TAGAP: variants seen among roughly 807,000 people sequenced by gnomAD.
TAGAP encodes T cell activation RhoGTPase activating protein, also known as T-cell activation Rho GTPase-activating protein.
In TAGAP, 16 loss-of-function variants were observed where a neutral mutation model predicts 36.0. The observed-to-expected ratio is 0.44, with a 90% CI of 0.30 to 0.68. The LOEUF (loss-of-function observed/expected upper bound fraction) is 0.68. TAGAP is among the 30% of genes least tolerant of loss of function. TAGAP has a pLI of 0.09. For synonymous variants in TAGAP, 372 were observed against 377.4 expected (o/e 0.99, Z 0.17); for missense variants, 794 against 921.5 (o/e 0.86, Z 1.79).
At chr6:159,038,991 T>C in intron 8 of TAGAP, 123 bp downstream of exon 8, 1 of 1,556,190 alleles carries the variant, frequency 6.4e-7, no homozygotes, top group Non-Finnish European at 8.7e-7. Flanking sequence ...GCATTTTGCA[T>C]TTTATATTTT....
At position 159,041,890 on chromosome 6, in the gene TAGAP, A is replaced by T; in HGVS notation, c.315+188T>A. The stretch of plus-strand genomic sequence containing the variant: ...TCATTGGCAAATACAACTAATTTCA[A>T]TTTCTGGAATGGAAGCAGTCAGATA... On this transcript the variant is annotated intron_variant, in intron 5 of 9. Coordinates refer to ENST00000367066, the MANE Select transcript of TAGAP (RefSeq NM_054114.5). The surrounding 1 kb of genome is among the most constrained non-coding windows in gnomAD (Gnocchi z 4.1). 1.5e-6 allele frequency: 1 copy of T among 683,222 alleles called. No individual in the cohort carries two copies. Among genetic ancestry groups the T allele is most frequent in the East Asian group, 2.6e-5 (1 of 38,588 alleles). The allele number at this position is 683,222 out of a possible 1,614,324, so 42.3% of individuals were successfully genotyped here.
chr6:159,040,163 A>T lies in TAGAP; in HGVS notation c.587+560T>A, dbSNP rs539475640. On this transcript the variant is annotated intron_variant, in intron 7 of 9. Coordinates refer to ENST00000367066, the MANE Select transcript of TAGAP (RefSeq NM_054114.5). Reference sequence around the variant, plus strand: ...TAGTCACTAACAGATCACACTTTCCATTGCATATGTTATTATTTTTACTCT... The same window carrying T: ...TAGTCACTAACAGATCACACTTTCCTTTGCATATGTTATTATTTTTACTCT... Among the ~76,000 whole-genome samples the T allele has an allele frequency of 7.2e-5, 11 of 152,306 alleles. No individual in the cohort carries two copies. In the South Asian group the frequency reaches 2.3e-3, roughly 32 times the overall value.
At chr6:159,044,585 C>A (rs1337291221) in intron 1 of TAGAP, among the ~76,000 whole-genome samples, 1 of 151,236 alleles carries the variant, frequency 6.6e-6, no homozygotes, top group East Asian at 1.9e-4. Context: ...GACTATATGC[C>A]AGCTGTCGTA....
At position 159,036,182 on chromosome 6, in the gene TAGAP, G is replaced by A. The variant is rs369625327; in HGVS notation, c.1841C>T (p.Thr614Ile). Residue 614 changes from threonine (T) to isoleucine (I), a missense_variant, in exon 10 of 10, where the codon ACC becomes ATC. Physicochemically the swap from Thr to Ile is moderately conservative, Grantham distance 89 (BLOSUM62 -1). Transcript: ENST00000367066. This position sits in a 1 kb window ranked among gnomAD's most constrained non-coding sequence, Gnocchi z 4.9. ...GCTCCCCACCGTCATGCTCCCCACG[G>A]TCTGGCTCTCGGAGGCCACTAGTCT... ...AARLVASESQ[T>I]VGSMTVGSMR... 6.2e-7 allele frequency: 1 copy of A among 1,611,908 alleles called. No individual in the cohort carries two copies. The highest frequency in any genetic ancestry group is 2.2e-5 in the East Asian group (1 of 44,814).
rs201909483 is a variant in TAGAP, at chr6:159,044,140, G to T, written c.7C>A (p.Leu3Met). Residue 3 changes from leucine to methionine, a missense_variant, in exon 2 of 10, where the codon CTG (leucine) becomes ATG (methionine). Physicochemically the swap from Leu to Met is conservative, Grantham distance 15 (BLOSUM62 2). Coordinates refer to ENST00000367066, the MANE Select transcript of TAGAP (RefSeq NM_054114.5). ...CTCACAGCATTGTGGCTGCTTCTCA[G>T]CTTCATCAGTATTGCGGCTGACTGT... Reference protein sequence around the residue: MKLRSSHNASKTL... With the variant: MKMRSSHNASKTL... The T allele has an allele frequency of 6.2e-7, 1 of 1,613,818 alleles. No individual in the cohort carries two copies. Among genetic ancestry groups the T allele is most frequent in the South Asian group, 1.1e-5 (1 of 90,946 alleles).
Position 159,041,247 on chromosome 6 carries a change from A to G in TAGAP, c.477+107T>C, listed in dbSNP as rs753989729. 9.5e-6 allele frequency: 13 copies of G among 1,374,146 alleles called. No homozygotes were observed. The highest frequency in any genetic ancestry group is 1.4e-5 in the South Asian group (1 of 71,562). The allele number at this position is 1,374,146 out of a possible 1,614,324, so 85.1% of individuals were successfully genotyped here. A position where few individuals can be genotyped will look rare whatever the true frequency, so the allele number is the denominator to read the frequency against. ...TTAATGAAAAAAATTAAACTCCAAGATCAGTGTACCTTGCTGTGTGGGGAG... is the reference window on the plus strand; with the variant it reads ...TTAATGAAAAAAATTAAACTCCAAGGTCAGTGTACCTTGCTGTGTGGGGAG... On this transcript the variant is annotated intron_variant, in intron 6 of 9. Coordinates refer to ENST00000367066, the MANE Select transcript of TAGAP (RefSeq NM_054114.5). This position sits in a 1 kb window ranked among gnomAD's most constrained non-coding sequence, Gnocchi z 4.1.
intron 3 of TAGAP, 21 bp downstream of exon 3, chr6:159,043,957 T>C (rs1273213910): frequency 3.1e-6 from 5 of 1,606,388 alleles, no homozygotes; most frequent in African/African-American, 1.3e-5. Flanking sequence ...AGATAAAAAG[T>C]CTTAAAAATT....
chr6:159,044,053 T>A, intron 2 of TAGAP, 22 bp from the exon 3 acceptor site: 3 of 1,613,530 alleles, frequency 1.9e-6, no homozygotes, highest in Non-Finnish European at 2.5e-6. Flanking sequence ...AAAATAAAAT[T>A]AGGTAAATAT....
At chr6:159,038,740 A>C (rs2114788932) in intron 8 of TAGAP, among the ~76,000 whole-genome samples, 1 of 152,276 alleles carries the variant, frequency 6.6e-6, no homozygotes, top group African/African-American at 2.4e-5. Context: ...CATGCATTTT[A>C]AATTTAAGAA....
At chr6:159,042,552 A>G (rs879504136) in intron 4 of TAGAP, 5 of 314,170 alleles carry the variant, frequency 1.6e-5, no homozygotes, top group Non-Finnish European at 2.9e-5. Context: ...AGCAAAACCT[A>G]ACTGTGCTGA....
In TAGAP at chr6:159,038,112, A is replaced by AC; in HGVS notation, c.898+1dup. 3.2e-6 allele frequency: 5 copies of AC among 1,585,880 alleles called. No individual in the cohort carries two copies. The highest frequency in any genetic ancestry group is 4.3e-6 in the Non-Finnish European group (5 of 1,155,068). Reference sequence around the variant, plus strand: ...GTAATCAAATGATAGCACATTCCATACCTGAACTGTCAGTGTGCTCCAGGG... The same window carrying AC: ...GTAATCAAATGATAGCACATTCCATACCCTGAACTGTCAGTGTGCTCCAGGG... On this transcript the variant is annotated splice_donor_variant, in intron 9 of 9. Coordinates refer to ENST00000367066, the MANE Select transcript of TAGAP (RefSeq NM_054114.5). LOFTEE classifies it high-confidence loss of function.
intron 6 of TAGAP, 161 bp from the exon 7 acceptor site, chr6:159,040,993 C>T (rs1779727666): frequency 1.6e-6 from 1 of 625,916 alleles, no homozygotes; most frequent in African/African-American, 1.8e-5. Flanking sequence ...AACCCTCTCT[C>T]CAACACCCTT....
At position 159,036,293 on chromosome 6, in the gene TAGAP, G is replaced by A. The variant is rs746408693; in HGVS notation, c.1730C>T (p.Ser577Leu). The A allele has an allele frequency of 3.1e-6, 5 of 1,613,300 alleles. No homozygotes were observed. Among genetic ancestry groups the A allele is most frequent in the Non-Finnish European group, 4.2e-6 (5 of 1,179,984 alleles). Residue 577 changes from serine to leucine, a missense_variant, in exon 10 of 10, where the codon TCG becomes TTG. Physicochemically the swap from Ser to Leu is moderately radical, Grantham distance 145 (BLOSUM62 -2). Transcript: ENST00000367066. This position sits in a 1 kb window ranked among gnomAD's most constrained non-coding sequence, Gnocchi z 4.9. ...RGFCLRPHAL[S>L]VDDVFQGADW... ...AGCTCCCTGGAACACATCATCCACC[G>A]AGAGGGCGTGGGGTCTCAGGCAGAA...
At position 159,036,613 on chromosome 6, in the gene TAGAP, G is replaced by T; in HGVS notation, c.1410C>A (p.Asp470Glu). The T allele has an allele frequency of 6.2e-7, 1 of 1,614,166 alleles. No individual in the cohort carries two copies. Among genetic ancestry groups the T allele is most frequent in the Non-Finnish European group, 8.5e-7 (1 of 1,179,992 alleles). The change falls in exon 10 of 10, where the codon GAC (aspartate) becomes GAA (glutamate). Residue 470 changes from aspartate (D) to glutamate (E), a missense_variant. Asp to Glu is a conservative substitution (Grantham distance 45). Transcript: ENST00000367066. This position sits in a 1 kb window ranked among gnomAD's most constrained non-coding sequence, Gnocchi z 4.9. ...FSSSSLDASS[D>E]SSPVASPSSP... ...TGGAAGGAGAAGCCACGGGCGAGCT[G>T]TCAGAGGACGCGTCCAGCGAGCTGC...
At chr6:159,038,265 CTTTTT>C (rs559846736) in intron 8 of TAGAP, 37 bp from the exon 9 acceptor site, 39,831 of 455,414 alleles carry the variant, frequency 0.087, 1,166 homozygotes, top group East Asian at 0.31. Flanking sequence ...AGCTTGAAGA[CTTTTT>C]TTTTTTTTTT....
At position 159,035,561 on chromosome 6, in the gene TAGAP, CGT is replaced by C; in HGVS notation, c.*264_*265del. On this transcript the variant is annotated 3_prime_UTR_variant, in exon 10 of 10. Coordinates refer to ENST00000367066, the MANE Select transcript of TAGAP (RefSeq NM_054114.5). Reference sequence around the variant, plus strand: ...AGTGTACTTCACTGCAAGTTCAAAACGTGTGCAGGGATTATTAGACATCCTTT... The same window carrying C: ...AGTGTACTTCACTGCAAGTTCAAAACGTGCAGGGATTATTAGACATCCTTT... The C allele has an allele frequency of 3.1e-6, 1 of 319,370 alleles. No individual in the cohort carries two copies. The highest frequency in any genetic ancestry group is 5.8e-6 in the Non-Finnish European group (1 of 172,974). 19.8% of individuals were successfully genotyped at this position (319,370 alleles called of 1,614,324 possible). A position where few individuals can be genotyped will look rare whatever the true frequency, so the allele number is the denominator to read the frequency against.
chr6:159,039,827 A>G (rs2114791939), intron 7 of TAGAP, among the ~76,000 whole-genome samples: 1 of 152,376 alleles, frequency 6.6e-6, no homozygotes, highest in South Asian at 2.1e-4. Context: ...ATAAGGCGGC[A>G]CTTAAATCGC....
rs1478728333 is a variant in TAGAP at position 159,043,675 on chromosome 6, A to G, written c.82-20T>C. The G allele has an allele frequency of 6.2e-7, 1 of 1,607,482 alleles. No homozygotes were observed. Among genetic ancestry groups the G allele is most frequent in the South Asian group, 1.1e-5 (1 of 90,920 alleles). On this transcript the variant is annotated intron_variant, in intron 3 of 9. Coordinates refer to ENST00000367066, the MANE Select transcript of TAGAP (RefSeq NM_054114.5). The stretch of plus-strand genomic sequence containing the variant: ...ATCACCCTAAAAACATTTTTATTTC[A>G]GTTAAATATAGTGACTGAAGAAACC...
chr6:159,043,728 A>T, intron 3 of TAGAP, 73 bp from the exon 4 acceptor site: 1 of 1,409,996 alleles, frequency 7.1e-7, no homozygotes, highest in Non-Finnish European at 1.0e-6. Context: ...CAAAACACAC[A>T]TACAGCATTT....
Sources: gnomAD v4.1 joint callset for allele counts (sites outside exome capture counted in the v4.1 genomes callset) on GRCh38, gnomAD v4.1.1 for gene constraint, Gnocchi (gnomAD v3.1) non-coding constraint, MANE v1.5 for transcripts, NCBI Gene and HGNC (gene_info 2026-07-23, HGNC 2026-07-21) for gene names.